CCT3: variants seen among roughly 807,000 people sequenced by gnomAD.
CCT3 encodes the protein T-complex protein 1 subunit gamma.
Under a neutral mutation model 65.3 loss-of-function variants are expected in CCT3, and 10 were observed. The ratio of observed to expected loss-of-function variants is 0.15; its 90% CI spans 0.09 to 0.26. The LOEUF is 0.26. Among genes scored for constraint, CCT3 ranks in the 10% least tolerant of loss-of-function variants. The pLI is 1.00. For missense variants in CCT3, 626 were observed against 708.7 expected, an observed-to-expected ratio of 0.88 and a Z score of 1.33; for synonymous variants, 225 against 242.3, an observed-to-expected ratio of 0.93 and a Z score of 0.66.
At chr1:156,319,933 A>T (rs992790966) in intron 7 of CCT3, among the ~76,000 whole-genome samples, 2 of 152,188 alleles carry the variant, frequency 1.3e-5, no homozygotes, top group Non-Finnish European at 2.9e-5. Flanking sequence ...CAAATGACTG[A>T]TGTATGCAAA....
intron 5 of CCT3, among the ~76,000 whole-genome samples, chr1:156,328,125 C>A (rs1250316771): frequency 1.4e-5 from 2 of 143,336 alleles, no homozygotes; most frequent in Non-Finnish European, 3.1e-5. Context: ...GTGAGGGGCG[C>A]CTCTGCCTGG....
In CCT3 at chr1:156,325,092, G is replaced by A. The variant is rs572134994; in HGVS notation, c.305-3C>T. 7 of 1,593,982 alleles carry A rather than the reference G, an allele frequency of 4.4e-6. No homozygotes were observed. In the South Asian group the frequency reaches 6.6e-5, roughly 15 times the overall value. On this transcript the variant is annotated splice_region_variant and splice_polypyrimidine_tract_variant and intron_variant, in intron 5 of 13. Transcript: ENST00000295688. ...AGCTACAGACAGCATTTCCCCTGCT[G>A]AAAAAGATACAAGCACCATAGTAAT...
chr1:156,309,074 GA>G lies in CCT3; in HGVS notation c.*124del. On this transcript the variant is annotated 3_prime_UTR_variant, in exon 14 of 14. Coordinates refer to ENST00000295688, the MANE Select transcript of CCT3 (RefSeq NM_005998.5). ...GGAAAACTGAGCTGGGACAGAAAGGGACTGGGGGCTGCCCCCCAACCTGATC... is the reference window on the plus strand; with the variant it reads ...GGAAAACTGAGCTGGGACAGAAAGGGCTGGGGGCTGCCCCCCAACCTGATC... 1.5e-6 allele frequency: 1 copy of G among 683,528 alleles called. No individual in the cohort carries two copies. The highest frequency in any genetic ancestry group is 2.6e-6 in the Non-Finnish European group (1 of 381,096). 42.3% of individuals were successfully genotyped at this position (683,528 alleles called of 1,614,324 possible).
chr1:156,315,789 T>A (rs1664284357), intron 10 of CCT3, among the ~76,000 whole-genome samples: 1 of 152,176 alleles, frequency 6.6e-6, no homozygotes, highest in Non-Finnish European at 1.5e-5. Context: ...ATTCAAAATA[T>A]ACTTTGTGGT....
At chr1:156,309,749 C>T (rs1663998647) in intron 13 of CCT3, among the ~76,000 whole-genome samples, 1 of 151,712 alleles carries the variant, frequency 6.6e-6, no homozygotes, top group Non-Finnish European at 1.5e-5. Context: ...ATGTAAAATG[C>T]AGTTCTCAGC....
chr1:156,318,964 GTTAATCA>G lies in CCT3; in HGVS notation c.656_662del (p.Met219ThrfsTer4), dbSNP rs774359131. 1 of 1,613,936 alleles carries G rather than the reference GTTAATCA, an allele frequency of 6.2e-7. No individual in the cohort carries two copies. Among genetic ancestry groups the G allele is most frequent in the Non-Finnish European group, 8.5e-7 (1 of 1,179,994 alleles). On this transcript the variant is annotated frameshift_variant, in exon 8 of 14. Coordinates refer to ENST00000295688, the MANE Select transcript of CCT3 (RefSeq NM_005998.5). LOFTEE classifies it high-confidence loss of function. ...GCATACGTGGATGGGTCACATCCTT[GTTAATCA>G]TGACTCCACGCAAGACACAGGAGTC...
chr1:156,326,992 G>A (rs1664842845), intron 5 of CCT3, among the ~76,000 whole-genome samples: 1 of 152,230 alleles, frequency 6.6e-6, no homozygotes, highest in African/African-American at 2.4e-5. Context: ...GTTGCAGTGA[G>A]TGGAGACTGT....
In CCT3 at chr1:156,326,273, G is replaced by A. The variant is rs200147452; in HGVS notation, c.305-1184C>T. ...GAGCCCAGAAGGTCAAGGCTGCAGT[G>A]AGCCGTGATCACACTATTGCACTCC... On this transcript the variant is annotated intron_variant, in intron 5 of 13. Coordinates refer to ENST00000295688, the MANE Select transcript of CCT3 (RefSeq NM_005998.5). Among the ~76,000 whole-genome samples, 3 of 152,122 alleles carry A rather than the reference G, an allele frequency of 2.0e-5. No homozygotes were observed. The East Asian group carries it at 5.8e-4, about 29-fold the overall frequency.
At chr1:156,317,034 C>G in intron 10 of CCT3, 132 bp downstream of exon 10, 1 of 748,920 alleles carries the variant, frequency 1.3e-6, no homozygotes, top group Non-Finnish European at 2.3e-6. Context: ...AGAGGGCAGG[C>G]AGCTAAGCCA....
intron 2 of CCT3, 119 bp from the exon 3 acceptor site, chr1:156,335,037 A>C: frequency 3.7e-6 from 3 of 816,920 alleles, no homozygotes; most frequent in Non-Finnish European, 5.8e-6. Flanking sequence ...ATTTTATTTT[A>C]ATTTTATTTT....
chr1:156,327,099 A>G (rs558637743), intron 5 of CCT3, among the ~76,000 whole-genome samples: 13 of 152,238 alleles, frequency 8.5e-5, no homozygotes, highest in Non-Finnish European at 1.9e-4. Flanking sequence ...CACACACAAA[A>G]TAACATATAC....
At chr1:156,323,745 G>A (rs981297237) in intron 6 of CCT3, among the ~76,000 whole-genome samples, 3 of 151,568 alleles carry the variant, frequency 2.0e-5, no homozygotes, top group Non-Finnish European at 2.9e-5. Context: ...GATTACAGAC[G>A]TGAGCCACCG....
At chr1:156,335,805 A>C (rs780749450) in intron 2 of CCT3, 22 bp downstream of exon 2, 2 of 1,607,112 alleles carry the variant, frequency 1.2e-6, no homozygotes, top group South Asian at 2.2e-5. Flanking sequence ...AAACTACCAT[A>C]AACACTTAAA....
At chr1:156,324,937 T>C in intron 6 of CCT3, 35 bp downstream of exon 6, 2 of 1,392,130 alleles carry the variant, frequency 1.4e-6, no homozygotes, top group South Asian at 2.3e-5. Context: ...AGGCCTCTCA[T>C]ATTTGATACT....
intron 6 of CCT3, among the ~76,000 whole-genome samples, chr1:156,323,314 G>GAA (rs71080759): frequency 6.1e-4 from 79 of 130,390 alleles, no homozygotes; most frequent in Middle Eastern, 4.3e-3. Flanking sequence ...TCCGTCTCAA[G>GAA]AAAAAAAAAA....
chr1:156,333,846 C>A (rs1665216324), intron 4 of CCT3, among the ~76,000 whole-genome samples: 1 of 152,204 alleles, frequency 6.6e-6, no homozygotes, highest in Admixed American at 6.5e-5. Context: ...AAGTGTATTA[C>A]ATGAACTCAA....
Position 156,338,204 on chromosome 1 carries a change from G to C in CCT3, c.-20C>G, listed in dbSNP as rs1469682965. On this transcript the variant is annotated 5_prime_UTR_variant, in exon 1 of 14. Coordinates refer to ENST00000295688, the MANE Select transcript of CCT3 (RefSeq NM_005998.5). ...CATCATGGCGACGCGATGCAGAGCC[G>C]GGTACCCAGAGCTGGGGGAACCGGC... 1 of 1,583,678 alleles carries C rather than the reference G, an allele frequency of 6.3e-7. No homozygotes were observed.
intron 8 of CCT3, 50 bp from the exon 9 acceptor site, chr1:156,317,597 G>A: frequency 6.4e-7 from 1 of 1,565,346 alleles, no homozygotes. Flanking sequence ...GACTGGTGAA[G>A]CTCTAAGGGT....
intron 4 of CCT3, among the ~76,000 whole-genome samples, 197 bp from the exon 5 acceptor site, chr1:156,333,840 G>GT (rs1305422041): frequency 6.6e-6 from 1 of 152,168 alleles, no homozygotes; most frequent in Non-Finnish European, 1.5e-5. Flanking sequence ...GGGAAAAAGT[G>GT]TATTACATGA....
Sources: allele counts gnomAD v4.1 joint callset (sites outside exome capture counted in the v4.1 genomes callset), GRCh38; gene constraint gnomAD v4.1.1; transcripts MANE v1.5; gene names NCBI Gene and HGNC (gene_info 2026-07-23, HGNC 2026-07-21).